The following SYNE1 variants were observed in gnomAD, a reference collection of about 807,000 sequenced individuals.
The protein encoded by SYNE1 is spectrin repeat containing nuclear envelope protein 1.
Under a neutral mutation model 1,111.0 loss-of-function variants are expected in SYNE1, and 616 were observed. The observed-to-expected ratio is 0.55, with a 90% CI of 0.52 to 0.59. SYNE1 has a LOEUF of 0.59. Ranked by LOEUF, SYNE1 falls within the 20% of genes least tolerant of loss-of-function variation. The pLI is 0.00. For missense variants in SYNE1, 10,006 were observed against 10,417.0 expected, an observed-to-expected ratio of 0.96 and a Z score of 1.72; for synonymous variants, 3,855 against 3,825.8, an observed-to-expected ratio of 1.01 and a Z score of -0.28.
At chr6:152,547,917 G>T (rs1307919573) in intron 3 of SYNE1, among the ~76,000 whole-genome samples, 6 of 152,042 alleles carry the variant, frequency 3.9e-5, no homozygotes, top group African/African-American at 7.2e-5. Context: ...TGTCATAATG[G>T]ATGTGTTAAT....
At chr6:152,247,091 G>A (rs1290550672) in intron 105 of SYNE1, among the ~76,000 whole-genome samples, 1 of 152,152 alleles carries the variant, frequency 6.6e-6, no homozygotes, top group African/African-American at 2.4e-5. Flanking sequence ...TCCAACATAG[G>A]AAGAAATGAA....
intron 28 of SYNE1, among the ~76,000 whole-genome samples, chr6:152,448,020 T>C (rs1220014649): frequency 6.6e-6 from 1 of 152,224 alleles, no homozygotes; most frequent in East Asian, 1.9e-4. Context: ...TAATGAAAGT[T>C]CTTTTTTTCA....
intron 3 of SYNE1, among the ~76,000 whole-genome samples, chr6:152,620,379 G>T (rs1398183418): frequency 1.3e-5 from 2 of 152,062 alleles, no homozygotes; most frequent in Non-Finnish European, 2.9e-5. Context: ...CTATCTCTGT[G>T]CTGACAACGT....
chr6:152,614,788 A>G (rs2099641304), intron 3 of SYNE1, among the ~76,000 whole-genome samples: 1 of 152,202 alleles, frequency 6.6e-6, no homozygotes, highest in South Asian at 2.1e-4. Flanking sequence ...ATACACCATG[A>G]AATACTATGT....
intron 130 of SYNE1, among the ~76,000 whole-genome samples, chr6:152,175,893 G>C (rs1393756914): frequency 6.6e-6 from 1 of 152,052 alleles, no homozygotes; most frequent in African/African-American, 2.4e-5. Flanking sequence ...CTTATAGTTA[G>C]CACTAAAGCT....
intron 119 of SYNE1, among the ~76,000 whole-genome samples, chr6:152,220,041 A>G (rs9397088): frequency 0.23 from 35,275 of 152,172 alleles, 4,597 homozygotes; most frequent in East Asian, 0.55. Flanking sequence ...ATTGAAAATG[A>G]CAGTTCTTGT....
intron 3 of SYNE1, among the ~76,000 whole-genome samples, chr6:152,575,952 T>C (rs932866402): frequency 5.3e-5 from 8 of 152,270 alleles, no homozygotes; most frequent in Non-Finnish European, 1.2e-4. Context: ...TGCAGCATTA[T>C]TAGTAATGTT....
At chr6:152,508,053 T>C (rs1482626883) in intron 8 of SYNE1, among the ~76,000 whole-genome samples, 1 of 152,208 alleles carries the variant, frequency 6.6e-6, no homozygotes, top group East Asian at 1.9e-4. Context: ...AATATTATGA[T>C]TTTAGGAATA....
rs199877537 is a variant in SYNE1 at position 152,318,106 on chromosome 6, T to G, written c.16547A>C (p.Glu5516Ala). 3 of 1,614,232 alleles carry G rather than the reference T, an allele frequency of 1.9e-6. No homozygotes were observed. Among genetic ancestry groups the G allele is most frequent in the East Asian group, 2.2e-5 (1 of 44,882 alleles). Residue 5516 changes from glutamate (E) to alanine (A), a missense_variant, in exon 86 of 146, where the codon GAG becomes GCG. Coordinates refer to ENST00000367255, the MANE Select transcript of SYNE1 (RefSeq NM_182961.4). ...CTGATTGAGCTTGGAGAGCCGATTC[T>G]CAGCTTGTCTAATGGTCTGCTGGTG... ...ELHQQTIRQA[E>A]NRLSKLNQAA...
At chr6:152,175,433 G>C (rs533122374) in intron 130 of SYNE1, among the ~76,000 whole-genome samples, 1 of 152,192 alleles carries the variant, frequency 6.6e-6, no homozygotes, top group East Asian at 1.9e-4. Context: ...TATGCAGCAC[G>C]GCTAAGGAAA....
In SYNE1 at chr6:152,369,523, C is replaced by T. The variant is rs2097141541; in HGVS notation, c.9599G>A (p.Ser3200Asn). Residue 3200 changes from serine to asparagine, a missense_variant, in exon 60 of 146, where the codon AGC becomes AAC. Physicochemically the swap from Ser to Asn is conservative, Grantham distance 46. Coordinates refer to ENST00000367255, the MANE Select transcript of SYNE1 (RefSeq NM_182961.4). Reference sequence around the variant, plus strand: ...TGCTGGCAGATCATAGAGGCGATTGCTGCTTTCATGGACCATCTTCTCAGT... The same window carrying T: ...TGCTGGCAGATCATAGAGGCGATTGTTGCTTTCATGGACCATCTTCTCAGT... ...SKTEKMVHES[S>N]NRLYDLPAKR... is the part of the protein sequence containing the mutation. The T allele has an allele frequency of 1.2e-6, 2 of 1,614,182 alleles. No individual in the cohort carries two copies. Among genetic ancestry groups the T allele is most frequent in the East Asian group, 2.2e-5 (1 of 44,880 alleles).
chr6:152,224,187 G>C (rs1003802353), intron 117 of SYNE1, among the ~76,000 whole-genome samples: 1 of 152,156 alleles, frequency 6.6e-6, no homozygotes, highest in Admixed American at 6.5e-5. Flanking sequence ...AAGACAAAAG[G>C]CAGTGACAAT....
At chr6:152,166,301 T>C (rs1475773988) in intron 130 of SYNE1, among the ~76,000 whole-genome samples, 1 of 152,222 alleles carries the variant, frequency 6.6e-6, no homozygotes, top group Non-Finnish European at 1.5e-5. Flanking sequence ...GGGTACTGTT[T>C]AAGTGGTTGC....
intron 140 of SYNE1, among the ~76,000 whole-genome samples, chr6:152,137,349 G>A (rs1013715529): frequency 2.6e-5 from 4 of 152,054 alleles, no homozygotes; most frequent in African/African-American, 4.8e-5. Context: ...TCAAATTTGT[G>A]GGCCTAAAAA....
intron 131 of SYNE1, among the ~76,000 whole-genome samples, chr6:152,162,997 A>T (rs1168417612): frequency 6.6e-6 from 1 of 152,184 alleles, no homozygotes; most frequent in Non-Finnish European, 1.5e-5. Context: ...TAAGTACATA[A>T]ACTATAAGAT....
chr6:152,609,138 G>T (rs560291728), intron 3 of SYNE1, among the ~76,000 whole-genome samples: 2 of 151,992 alleles, frequency 1.3e-5, no homozygotes, highest in Non-Finnish European at 2.9e-5. Context: ...TGCAGCCCAC[G>T]GAGGGTGAGC....
chr6:152,617,415 AATT>A (rs1228599164), intron 3 of SYNE1, among the ~76,000 whole-genome samples: 1 of 152,162 alleles, frequency 6.6e-6, no homozygotes, highest in African/African-American at 2.4e-5. Context: ...AAATTTCTCC[AATT>A]ATTATGTCAC....
chr6:152,534,241 G>A (rs1451544962), intron 4 of SYNE1, among the ~76,000 whole-genome samples: 1 of 151,874 alleles, frequency 6.6e-6, no homozygotes, highest in Non-Finnish European at 1.5e-5. Flanking sequence ...TCTAAAGAAG[G>A]AACTTTGACA....
At chr6:152,498,352 C>T (rs2099010757) in intron 11 of SYNE1, among the ~76,000 whole-genome samples, 1 of 152,156 alleles carries the variant, frequency 6.6e-6, no homozygotes, top group Admixed American at 6.5e-5. Flanking sequence ...TTACCTTGTT[C>T]ATTGATTCTC....
Sources: allele counts gnomAD v4.1 joint callset (sites outside exome capture counted in the v4.1 genomes callset), GRCh38; gene constraint gnomAD v4.1.1; transcripts MANE v1.5; gene names NCBI Gene and HGNC (gene_info 2026-07-23, HGNC 2026-07-21).